The following SGMS1 variants were observed in gnomAD, a reference collection of about 807,000 sequenced individuals.
SGMS1 encodes sphingomyelin synthase 1.
In SGMS1, 13 loss-of-function variants were observed where a neutral mutation model predicts 46.2. The observed-to-expected ratio is 0.28, with a 90% CI of 0.18 to 0.45. The LOEUF (loss-of-function observed/expected upper bound fraction) is 0.45. Ranked by LOEUF, SGMS1 falls within the 20% of genes least tolerant of loss-of-function variation. The probability of loss-of-function intolerance (pLI) is 1.00; values close to 1 mark genes in which losing one functional copy is unlikely to be tolerated. For missense variants in SGMS1, 324 were observed against 519.9 expected (o/e 0.62, Z 3.66); for synonymous variants, 203 against 187.8 (o/e 1.08, Z -0.66).
intron 1 of SGMS1, among the ~76,000 whole-genome samples, chr10:50,621,201 C>T (rs1838846938): frequency 6.7e-6 from 1 of 150,230 alleles, no homozygotes; most frequent in East Asian, 1.9e-4. Flanking sequence ...CAAAAAAAAA[C>T]TGATGGCTAT....
chr10:50,360,504 G>A (rs1446584857), intron 6 of SGMS1, among the ~76,000 whole-genome samples: 1 of 152,082 alleles, frequency 6.6e-6, no homozygotes, highest in Non-Finnish European at 1.5e-5. Flanking sequence ...TTCATTCTTA[G>A]TACTAATTAC....
intron 3 of SGMS1, among the ~76,000 whole-genome samples, chr10:50,484,215 C>T (rs1033144861): frequency 1.3e-5 from 2 of 152,154 alleles, no homozygotes; most frequent in Middle Eastern, 3.4e-3. Context: ...AAGGGAATAT[C>T]ACCACTGACC....
At chr10:50,545,331 AG>A (rs921897283) in intron 2 of SGMS1, among the ~76,000 whole-genome samples, 39 of 152,336 alleles carry the variant, frequency 2.6e-4, no homozygotes, top group African/African-American at 9.1e-4. Context: ...GTGAGGTGTC[AG>A]AGCCAAGGCA....
At chr10:50,332,212 A>T (rs987919768) in intron 7 of SGMS1, among the ~76,000 whole-genome samples, 1 of 152,092 alleles carries the variant, frequency 6.6e-6, no homozygotes, top group Non-Finnish European at 1.5e-5. Flanking sequence ...ATCTCAGCCC[A>T]ATGACCTTGG....
chr10:50,322,470 A>G (rs1847460891), intron 8 of SGMS1, among the ~76,000 whole-genome samples: 1 of 152,228 alleles, frequency 6.6e-6, no homozygotes, highest in Non-Finnish European at 1.5e-5. Flanking sequence ...GGAAGCTTAC[A>G]ACACCAAAGA....
Position 50,623,855 on chromosome 10 carries a change from G to A in SGMS1, c.-832C>T. 1.0e-6 allele frequency: 1 copy of A among 985,912 alleles called. No homozygotes were observed. The highest frequency in any genetic ancestry group is 4.7e-5 in the South Asian group (1 of 21,296). 61.1% of individuals were successfully genotyped at this position (985,912 alleles called of 1,614,324 possible). ...GCGCGAGGGGAGAGCAGTCAGCCCA[G>A]GCCGGTCCTTCTCACTCCCGACCTG... On this transcript the variant is annotated 5_prime_UTR_variant, in exon 1 of 11. Transcript: ENST00000361781.
At chr10:50,544,489 T>G (rs978834887) in intron 2 of SGMS1, among the ~76,000 whole-genome samples, 1 of 152,240 alleles carries the variant, frequency 6.6e-6, no homozygotes, top group South Asian at 2.1e-4. Context: ...TCTCTCTCAC[T>G]CAGATTTTCA....
Position 50,460,763 on chromosome 10 carries a change from C to T in SGMS1, c.-403G>A, listed in dbSNP as rs1245485399. 1 of 152,374 alleles carries T rather than the reference C, an allele frequency of 6.6e-6. No individual in the cohort carries two copies. Among genetic ancestry groups the T allele is most frequent in the African/African-American group, 2.4e-5 (1 of 41,440 alleles). The allele number at this position is 152,374 out of a possible 1,614,324, so 9.4% of individuals were successfully genotyped here. On this transcript the variant is annotated 5_prime_UTR_variant, in exon 5 of 11. The change abolishes an upstream ATG in the 5' untranslated region. Coordinates refer to ENST00000361781, the MANE Select transcript of SGMS1 (RefSeq NM_147156.4). ...TGAGGCAGGTTCTCGTCTTCTATTT[C>T]ATGTTTCCCAACCAGACACTTTCGG...
intron 6 of SGMS1, among the ~76,000 whole-genome samples, chr10:50,361,621 A>G (rs1033477965): frequency 1.3e-5 from 2 of 152,160 alleles, no homozygotes; most frequent in African/African-American, 4.8e-5. Flanking sequence ...CATTCATTAT[A>G]TCTAATCATG....
intron 5 of SGMS1, among the ~76,000 whole-genome samples, chr10:50,457,882 A>G (rs1837212522): frequency 6.6e-6 from 1 of 152,250 alleles, no homozygotes; most frequent in Admixed American, 6.5e-5. Context: ...TATAAATGCC[A>G]GAGCTGTCCT....
chr10:50,555,044 G>A (rs1838179090), intron 2 of SGMS1, among the ~76,000 whole-genome samples: 1 of 152,190 alleles, frequency 6.6e-6, no homozygotes, highest in Admixed American at 6.5e-5. Flanking sequence ...AGAAGCCAGA[G>A]CCTCCCCAAA....
At position 50,327,220 on chromosome 10, in the gene SGMS1, G is replaced by A; in HGVS notation, c.726C>T (p.Phe242=). ...AATAGTTTACCTTCGGAGAACAGTT[G>A]AAATGCATACCAGGTACTGGGAGTG... ...VTTLPVPGMH[F]NCSPKLFGDW... is the part of the protein sequence containing the mutation. The change falls in exon 8 of 11, where the codon TTC becomes TTT. Residue 242 remains phenylalanine (F), a synonymous_variant. Coordinates refer to ENST00000361781, the MANE Select transcript of SGMS1 (RefSeq NM_147156.4). The A allele has an allele frequency of 6.3e-7, 1 of 1,581,642 alleles. No individual in the cohort carries two copies. The highest frequency in any genetic ancestry group is 8.7e-7 in the Non-Finnish European group (1 of 1,153,464).
chr10:50,328,708 T>A (rs554025154), intron 7 of SGMS1, among the ~76,000 whole-genome samples: 30 of 152,354 alleles, frequency 2.0e-4, no homozygotes, highest in Non-Finnish European at 2.6e-4. Flanking sequence ...TTGCTTATTT[T>A]CTCTTAGTCA....
intron 5 of SGMS1, among the ~76,000 whole-genome samples, chr10:50,441,076 T>C (rs962028576): frequency 1.3e-5 from 2 of 152,244 alleles, no homozygotes; most frequent in African/African-American, 4.8e-5. Flanking sequence ...ATGAAATGCA[T>C]GCAATGCATC....
At chr10:50,385,797 A>G (rs1848674055) in intron 6 of SGMS1, among the ~76,000 whole-genome samples, 1 of 152,158 alleles carries the variant, frequency 6.6e-6, no homozygotes, top group Non-Finnish European at 1.5e-5. Context: ...CCTTGGATAA[A>G]CAAGTTTTGC....
chr10:50,398,273 G>A (rs989198624), intron 6 of SGMS1, among the ~76,000 whole-genome samples: 2 of 152,096 alleles, frequency 1.3e-5, no homozygotes, highest in African/African-American at 4.8e-5. Flanking sequence ...AATGCAGGGA[G>A]TAGACATCTA....
At chr10:50,506,164 T>C (rs1837705170) in intron 3 of SGMS1, among the ~76,000 whole-genome samples, 1 of 152,218 alleles carries the variant, frequency 6.6e-6, no homozygotes, top group Admixed American at 6.5e-5. Flanking sequence ...ATGTAGATCC[T>C]ACATTACACA....
chr10:50,313,964 T>C (rs902397113), intron 8 of SGMS1, among the ~76,000 whole-genome samples: 6 of 151,418 alleles, frequency 4.0e-5, no homozygotes, highest in Non-Finnish European at 8.8e-5. Context: ...TAGTGAGAAA[T>C]AGAAAAAGAG....
chr10:50,524,859 A>T (rs1280254156), intron 2 of SGMS1, among the ~76,000 whole-genome samples: 2 of 152,180 alleles, frequency 1.3e-5, no homozygotes, highest in African/African-American at 4.8e-5. Flanking sequence ...ACAACACTGA[A>T]AGGGTAAAAA....
Sources: gnomAD v4.1 joint callset for allele counts (sites outside exome capture counted in the v4.1 genomes callset) on GRCh38, gnomAD v4.1.1 for gene constraint, MANE v1.5 for transcripts, NCBI Gene and HGNC (gene_info 2026-07-23, HGNC 2026-07-21) for gene names.